Variants in EGLN1 observed in about 807,000 individuals in gnomAD.
EGLN1 encodes egl-9 family hypoxia inducible factor 1, also known as egl nine homolog 1.
EGLN1 carries 17 observed loss-of-function variants against 38.3 expected under a neutral mutation model. The ratio of observed to expected loss-of-function variants is 0.44; its 90% confidence interval spans 0.30 to 0.67. EGLN1 has a LOEUF of 0.67. Ranked by LOEUF, EGLN1 falls within the 30% of genes least tolerant of loss-of-function variation. The probability of loss-of-function intolerance (pLI) is 0.08; values close to 1 mark genes in which losing one functional copy is unlikely to be tolerated. For synonymous variants in EGLN1, 283 were observed against 257.5 expected, an observed-to-expected ratio of 1.10 and a Z score of -0.95; for missense variants, 477 against 603.3, an observed-to-expected ratio of 0.79 and a Z score of 2.19.
At chr1:231,379,538 A>C (rs2102903131) in intron 1 of EGLN1, among the ~76,000 whole-genome samples, 1 of 152,390 alleles carries the variant, frequency 6.6e-6, no homozygotes, top group East Asian at 1.9e-4. Flanking sequence ...GTCCAGTTTT[A>C]GGGTTGCAGG....
At chr1:231,405,926 TA>T (rs919121586) in intron 1 of EGLN1, among the ~76,000 whole-genome samples, 30 of 151,240 alleles carry the variant, frequency 2.0e-4, no homozygotes, top group Admixed American at 2.6e-4. Flanking sequence ...TATTTTAATA[TA>T]AAAAAACTAG....
At chr1:231,378,241 G>A (rs1224485918) in intron 1 of EGLN1, among the ~76,000 whole-genome samples, 8 of 151,992 alleles carry the variant, frequency 5.3e-5, no homozygotes, top group Non-Finnish European at 7.4e-5. Context: ...AGAATAACAC[G>A]AAAAATACCA....
chr1:231,414,554 G>A (rs1373155164), intron 1 of EGLN1, among the ~76,000 whole-genome samples: 1 of 152,134 alleles, frequency 6.6e-6, no homozygotes, highest in Non-Finnish European at 1.5e-5. Flanking sequence ...TCAGAGGAAA[G>A]ACAGATGGAT....
intron 1 of EGLN1, 86 bp downstream of exon 1, chr1:231,420,912 C>A (rs1572056984): frequency 6.2e-7 from 1 of 1,611,538 alleles, no homozygotes; most frequent in East Asian, 2.2e-5. Context: ...AGGAATGCTG[C>A]TTCTCAGCCT....
chr1:231,389,824 T>C (rs1468700161), intron 1 of EGLN1, among the ~76,000 whole-genome samples: 2 of 152,180 alleles, frequency 1.3e-5, no homozygotes, highest in African/African-American at 4.8e-5. Flanking sequence ...GGCAAGCGCC[T>C]GTAGCCCCAG....
chr1:231,391,133 T>TGTGTGTGTGTGA (rs1255328703), intron 1 of EGLN1, among the ~76,000 whole-genome samples: 10 of 56,832 alleles, frequency 1.8e-4, no homozygotes, highest in African/African-American at 4.2e-4. Context: ...TGTGTGTGTG[T>TGTGTGTGTGTGA]GAGACAGGGA....
intron 1 of EGLN1, among the ~76,000 whole-genome samples, chr1:231,401,453 A>G (rs1688661158): frequency 1.3e-5 from 2 of 150,006 alleles, no homozygotes; most frequent in Admixed American, 1.3e-4. Context: ...TATAGTCTAG[A>G]AATTTTTCTT....
At chr1:231,417,586 G>C (rs899078760) in intron 1 of EGLN1, among the ~76,000 whole-genome samples, 2 of 152,026 alleles carry the variant, frequency 1.3e-5, no homozygotes, top group African/African-American at 4.8e-5. Context: ...ACAAGCATAA[G>C]CAAGGACATA....
intron 2 of EGLN1, among the ~76,000 whole-genome samples, chr1:231,373,740 C>T (rs1278265188): frequency 6.6e-6 from 1 of 151,856 alleles, no homozygotes; most frequent in Non-Finnish European, 1.5e-5. Context: ...ATGGAGTCTA[C>T]CCTCTTAAAT....
chr1:231,367,134 A>G (rs2355870), intron 4 of EGLN1, among the ~76,000 whole-genome samples: 2 of 152,216 alleles, frequency 1.3e-5, no homozygotes, highest in African/African-American at 2.4e-5. Context: ...ATTTGAATTC[A>G]TAATTCTTTG....
chr1:231,414,215 A>G, intron 1 of EGLN1, among the ~76,000 whole-genome samples: 1 of 152,246 alleles, frequency 6.6e-6, no homozygotes, highest in East Asian at 1.9e-4. Flanking sequence ...GTGGAATGTA[A>G]GCACAGAAGT....
chr1:231,421,477 C>T lies in EGLN1; in HGVS notation c.412G>A (p.Val138Met). 7.2e-7 allele frequency: 1 copy of T among 1,398,248 alleles called. No homozygotes were observed. The highest frequency in any genetic ancestry group is 2.1e-4 in the Middle Eastern group (1 of 4,864). 86.6% of individuals were successfully genotyped at this position (1,398,248 alleles called of 1,614,324 possible). Residue 138 changes from valine to methionine, a missense_variant, in exon 1 of 5, where the codon GTG (valine) becomes ATG (methionine). Val to Met is a conservative substitution (Grantham distance 21). Coordinates refer to ENST00000366641, the MANE Select transcript of EGLN1 (RefSeq NM_022051.3). This position sits in a 1 kb window ranked among gnomAD's most constrained non-coding sequence, Gnocchi z 5.5. ...TTGCCGGGCTCGGCTTCGGCAGCCA[C>T]CGCCGAGCCCTGGCCGCCGGCGGCC... ...RAAAGGQGSA[V>M]AAEAEPGKEE...
At chr1:231,415,013 C>G (rs540075762) in intron 1 of EGLN1, among the ~76,000 whole-genome samples, 48 of 152,176 alleles carry the variant, frequency 3.2e-4, no homozygotes, top group African/African-American at 1.1e-3. Context: ...GGATTACAGG[C>G]ATGAGCCAGC....
chr1:231,390,449 A>T (rs1688337818), intron 1 of EGLN1, among the ~76,000 whole-genome samples: 2 of 152,226 alleles, frequency 1.3e-5, no homozygotes, highest in Admixed American at 1.3e-4. Context: ...CAACTGTGTA[A>T]ATGTCTACTA....
chr1:231,391,095 TGTGTGTGTGTGTG>T (rs1558387213), intron 1 of EGLN1, among the ~76,000 whole-genome samples: 13 of 60,474 alleles, frequency 2.1e-4, no homozygotes, highest in African/African-American at 4.0e-4. Flanking sequence ...TTTTTTTTTG[TGTGTGTGTGTGTG>T]TGTGTGTGTG....
chr1:231,367,231 T>C (rs186963476), intron 4 of EGLN1, among the ~76,000 whole-genome samples: 21 of 152,300 alleles, frequency 1.4e-4, no homozygotes, highest in African/African-American at 4.6e-4. Context: ...AGGGTATTAA[T>C]TTAAGGAGTG....
chr1:231,370,825 T>C, intron 2 of EGLN1, 127 bp from the exon 3 acceptor site: 1 of 1,080,346 alleles, frequency 9.3e-7, no homozygotes, highest in Non-Finnish European at 1.4e-6. Flanking sequence ...CAATAAAGTA[T>C]GAAGATGAGC....
intron 1 of EGLN1, among the ~76,000 whole-genome samples, chr1:231,403,347 G>A (rs1236820924): frequency 1.3e-5 from 2 of 152,228 alleles, no homozygotes; most frequent in South Asian, 2.1e-4. Flanking sequence ...AGCTATAATT[G>A]TAATTTGTTG....
intron 1 of EGLN1, among the ~76,000 whole-genome samples, chr1:231,382,777 G>C (rs1301637726): frequency 1.3e-5 from 2 of 151,996 alleles, no homozygotes; most frequent in East Asian, 3.9e-4. Context: ...TGCTTGGCAG[G>C]CCGGGCATGG....
Sources: gnomAD v4.1 joint callset for allele counts (sites outside exome capture counted in the v4.1 genomes callset) on GRCh38, gnomAD v4.1.1 for gene constraint, Gnocchi (gnomAD v3.1) non-coding constraint, MANE v1.5 for transcripts, NCBI Gene and HGNC (gene_info 2026-07-23, HGNC 2026-07-21) for gene names.